The following TSPAN17 variants were observed in gnomAD, a reference collection of about 807,000 sequenced individuals.
The protein encoded by TSPAN17 is tetraspanin 17.
TSPAN17 carries 33 observed loss-of-function variants against 40.5 expected under a neutral mutation model. That is an observed-to-expected ratio of 0.81 (90% CI 0.62 to 1.09). TSPAN17 has a LOEUF of 1.09. Among genes scored for constraint, TSPAN17 ranks in the 50% least tolerant of loss-of-function variants. The pLI is 0.00. For synonymous variants in TSPAN17, 166 were observed against 169.4 expected (o/e 0.98, Z 0.15); for missense variants, 365 against 416.8 (o/e 0.88, Z 1.08).
chr5:176,655,911 C>A (rs6897431), intron 5 of TSPAN17, among the ~76,000 whole-genome samples, 167 bp from the exon 6 acceptor site: 138,826 of 148,440 alleles, frequency 0.94, 65,170 homozygotes, highest in East Asian at 1. Flanking sequence ...AAAAAAAAAA[C>A]AAAAGCACAT....
chr5:176,649,514 G>A (rs1029290640), intron 1 of TSPAN17, among the ~76,000 whole-genome samples: 4 of 151,302 alleles, frequency 2.6e-5, no homozygotes, highest in Admixed American at 2.0e-4. Context: ...TGCAACCTCC[G>A]TCTCCCAGGT....
At chr5:176,652,637 C>G in intron 3 of TSPAN17, 106 bp from the exon 4 acceptor site, 1 of 1,120,556 alleles carries the variant, frequency 8.9e-7, no homozygotes, top group Non-Finnish European at 1.3e-6. Context: ...GCCTCTGGGT[C>G]TTGGTGGAGG....
chr5:176,656,727 A>T lies in TSPAN17; in HGVS notation c.658A>T (p.Thr220Ser), dbSNP rs1478439865. Residue 220 changes from threonine (T) to serine (S), a missense_variant, in exon 7 of 9, where the codon ACC becomes TCC. Physicochemically the swap from Thr to Ser is moderately conservative, Grantham distance 58. Coordinates refer to ENST00000508164, the MANE Select transcript of TSPAN17 (RefSeq NM_130465.5). ...LELEQQGFIH[T>S]KGCVGQFEKW... ...GCTGGAGCAGCAGGGCTTCATCCAC[A>T]CCAAAGGCTGCGTGGGCCAGTTTGA... The T allele has an allele frequency of 2.5e-6, 4 of 1,614,168 alleles. No homozygotes were observed. The highest frequency in any genetic ancestry group is 3.3e-4 in the Middle Eastern group (2 of 6,062).
At chr5:176,647,735 G>A (rs748793459) in intron 1 of TSPAN17, 33 bp downstream of exon 1, 1 of 1,534,448 alleles carries the variant, frequency 6.5e-7, no homozygotes, top group East Asian at 2.5e-5. Flanking sequence ...GCCCTGTGCT[G>A]GGGGGTGGTG....
At chr5:176,648,256 G>A (rs763284428) in intron 1 of TSPAN17, among the ~76,000 whole-genome samples, 45 of 152,360 alleles carry the variant, frequency 3.0e-4, no homozygotes, top group Middle Eastern at 3.4e-3. Flanking sequence ...GCCAGGAGGG[G>A]CAGGGAGGGA....
In TSPAN17 at chr5:176,651,536, C is replaced by G; in HGVS notation, c.88-80C>G. ...CCTCTTCCTCTCTCCGCTGGAAAGG[C>G]CCTGGCTACCGGGGAAGGATGAGGG... On this transcript the variant is annotated intron_variant, in intron 1 of 8. Transcript: ENST00000508164. The surrounding 1 kb of genome is among the most constrained non-coding windows in gnomAD (Gnocchi z 4.5). 1.4e-6 allele frequency: 2 copies of G among 1,473,564 alleles called. No homozygotes were observed. Among genetic ancestry groups the G allele is most frequent in the South Asian group, 2.6e-5 (2 of 76,130 alleles). 91.3% of individuals were successfully genotyped at this position (1,473,564 alleles called of 1,614,324 possible). A position where few individuals can be genotyped will look rare whatever the true frequency, so the allele number is the denominator to read the frequency against.
At chr5:176,652,941 C>G in intron 4 of TSPAN17, 28 bp downstream of exon 4, 1 of 1,608,618 alleles carries the variant, frequency 6.2e-7, no homozygotes, top group Non-Finnish European at 8.5e-7. Context: ...CCTGGGACAC[C>G]TGTAGGAGGC....
At chr5:176,656,604 T>C in intron 6 of TSPAN17, 96 bp from the exon 7 acceptor site, 1 of 1,237,386 alleles carries the variant, frequency 8.1e-7, no homozygotes, top group African/African-American at 1.5e-5. Context: ...GTACTGCAGG[T>C]TTAGACCCTG....
chr5:176,657,257 G>A, intron 8 of TSPAN17: 1 of 656,634 alleles, frequency 1.5e-6, no homozygotes, highest in South Asian at 2.0e-5. Flanking sequence ...ACTAGGAAGG[G>A]CGCAGCTCAG....
Position 176,656,744 on chromosome 5 carries a change from C to A in TSPAN17, c.675C>A (p.Gly225=). The part of the protein sequence containing the change: ...QGFIHTKGCV[G]QFEKWLQDNL... ...TCATCCACACCAAAGGCTGCGTGGG[C>A]CAGTTTGAGAAGTGGCTGCAGGACA... The change falls in exon 7 of 9, where the codon GGC becomes GGA. Residue 225 remains glycine (G), a synonymous_variant. Coordinates refer to ENST00000508164, the MANE Select transcript of TSPAN17 (RefSeq NM_130465.5). 6.2e-7 allele frequency: 1 copy of A among 1,614,180 alleles called. No individual in the cohort carries two copies. Among genetic ancestry groups the A allele is most frequent in the Non-Finnish European group, 8.5e-7 (1 of 1,180,010 alleles).
At chr5:176,649,184 G>A (rs1760864970) in intron 1 of TSPAN17, among the ~76,000 whole-genome samples, 1 of 152,078 alleles carries the variant, frequency 6.6e-6, no homozygotes, top group Non-Finnish European at 1.5e-5. Flanking sequence ...GGTTTGGAAT[G>A]GGGGCAGGGC....
intron 6 of TSPAN17, 27 bp from the exon 7 acceptor site, chr5:176,656,673 C>T (rs757267591): frequency 1.9e-6 from 3 of 1,611,244 alleles, no homozygotes; most frequent in Non-Finnish European, 1.7e-6. Flanking sequence ...GGCAGGTAGG[C>T]TGAGCCTGGT....
chr5:176,657,972 T>G lies in TSPAN17; in HGVS notation c.*274T>G. ...AGGATGGAGAGGCTGGACCCCGCTT[T>G]GAAGAGGGTGCAGCCTGGGAAGGGC... On this transcript the variant is annotated 3_prime_UTR_variant, in exon 9 of 9. Coordinates refer to ENST00000508164, the MANE Select transcript of TSPAN17 (RefSeq NM_130465.5). 2.5e-6 allele frequency: 1 copy of G among 396,860 alleles called. No homozygotes were observed. Among genetic ancestry groups the G allele is most frequent in the Non-Finnish European group, 4.2e-6 (1 of 238,222 alleles). 24.6% of individuals were successfully genotyped at this position (396,860 alleles called of 1,614,324 possible).
intron 1 of TSPAN17, 88 bp downstream of exon 1, chr5:176,647,790 C>T: frequency 7.7e-7 from 1 of 1,291,174 alleles, no homozygotes. Flanking sequence ...CACTCCCTGC[C>T]CCAAGAGTTT....
At position 176,657,604 on chromosome 5, in the gene TSPAN17, C is replaced by T. The variant is rs1761208854; in HGVS notation, c.896C>T (p.Ser299Phe). 6.2e-7 allele frequency: 1 copy of T among 1,613,688 alleles called. No homozygotes were observed. Among genetic ancestry groups the T allele is most frequent in the Non-Finnish European group, 8.5e-7 (1 of 1,179,896 alleles). The change falls in exon 9 of 9, where the codon TCT (serine) becomes TTT (phenylalanine). Residue 299 changes from serine to phenylalanine, a missense_variant. Ser to Phe is a radical substitution (Grantham distance 155). Transcript: ENST00000508164. ...VLSTAGPQQN[S>F]LTGAPGPAPP... ...TCCACGGCGGGGCCTCAGCAGAACT[C>T]TCTGACTGGGGCCCCTGGCCCGGCC...
At position 176,647,552 on chromosome 5, in the gene TSPAN17, G is replaced by A; in HGVS notation, c.-64G>A. On this transcript the variant is annotated 5_prime_UTR_variant, in exon 1 of 9. Transcript: ENST00000508164. ...GCCCCGGGCGGCTCTAGCCCAGGGC[G>A]GCCCGCGGGGCGCTGGGCCTGGCTC... 3 of 1,448,852 alleles carry A rather than the reference G, an allele frequency of 2.1e-6. No homozygotes were observed. Among genetic ancestry groups the A allele is most frequent in the South Asian group, 1.3e-5 (1 of 77,030 alleles). The allele number at this position is 1,448,852 out of a possible 1,614,324, so 89.7% of individuals were successfully genotyped here.
At chr5:176,655,882 T>G (rs1442059660) in intron 5 of TSPAN17, among the ~76,000 whole-genome samples, 196 bp from the exon 6 acceptor site, 7 of 145,264 alleles carry the variant, frequency 4.8e-5, no homozygotes, top group East Asian at 2.0e-4. Flanking sequence ...GCCTGGGCAA[T>G]GGAGTGAGAC....
In TSPAN17 at chr5:176,658,016, G is replaced by A. The variant is rs542744521; in HGVS notation, c.*318G>A. 5.2e-5 allele frequency: 14 copies of A among 271,702 alleles called. No individual in the cohort carries two copies. The highest frequency in any genetic ancestry group is 2.7e-4 in the African/African-American group (12 of 44,586). 16.8% of individuals were successfully genotyped at this position (271,702 alleles called of 1,614,324 possible). A position where few individuals can be genotyped will look rare whatever the true frequency, so the allele number is the denominator to read the frequency against. ...GAAGGGCGGCCTTGCTGGGGACTGC[G>A]GTGGGAGTAGAGTGCCCAGGAGAGG... On this transcript the variant is annotated 3_prime_UTR_variant, in exon 9 of 9. Transcript: ENST00000508164.
rs1302363194 is a variant in TSPAN17 at position 176,650,483 on chromosome 5, T to G, written c.88-1133T>G. On this transcript the variant is annotated intron_variant, in intron 1 of 8. Transcript: ENST00000508164. This position sits in a 1 kb window ranked among gnomAD's most constrained non-coding sequence, Gnocchi z 4.0. ...TCCTGGGAAGGAGCTCGGGGAGGAA[T>G]GGGGTTGAGTTAACTGAGGTGGGGT... Among the ~76,000 whole-genome samples the G allele has an allele frequency of 2.0e-5, 3 of 151,876 alleles. No individual in the cohort carries two copies. Among genetic ancestry groups the G allele is most frequent in the African/African-American group, 7.3e-5 (3 of 41,322 alleles).
Sources: allele counts gnomAD v4.1 joint callset (sites outside exome capture counted in the v4.1 genomes callset), GRCh38; gene constraint gnomAD v4.1.1; non-coding constraint Gnocchi (gnomAD v3.1); transcripts MANE v1.5; gene names NCBI Gene and HGNC (gene_info 2026-07-23, HGNC 2026-07-21).